The following GCNT1 variants were observed in gnomAD, a reference collection of about 807,000 sequenced individuals.
GCNT1 encodes beta-1,3-galactosyl-O-glycosyl-glycoprotein beta-1,6-N-acetylglucosaminyltransferase.
Under a neutral mutation model 26.2 loss-of-function variants are expected in GCNT1, and 16 were observed. That is an observed-to-expected ratio of 0.61 (90% confidence interval 0.41 to 0.93). GCNT1 has a LOEUF of 0.93. Ranked by LOEUF, GCNT1 falls within the 40% of genes least tolerant of loss-of-function variation. The pLI is 0.00. For missense variants in GCNT1, 477 were observed against 526.7 expected (o/e 0.91, Z 0.92); for synonymous variants, 183 against 190.8 (o/e 0.96, Z 0.34).
the GCNT1 span, among the ~76,000 whole-genome samples, chr9:76,396,727 A>G: frequency 1.3e-5 from 2 of 152,174 alleles, no homozygotes; most frequent in Non-Finnish European, 2.9e-5. Flanking sequence ...CTGTGGTCCT[A>G]GATACCCTGG....
intron 1 of GCNT1, among the ~76,000 whole-genome samples, chr9:76,429,841 A>C (rs1376281988): frequency 1.3e-5 from 2 of 150,908 alleles, no homozygotes; most frequent in Non-Finnish European, 2.9e-5. Flanking sequence ...CAGCCTCCTG[A>C]GTAGCTGGGA....
chr9:76,398,749 G>T, the GCNT1 span: 1 of 1,279,886 alleles, frequency 7.8e-7, no homozygotes, highest in South Asian at 1.2e-5. Flanking sequence ...ATGTCCTTAA[G>T]TTCCTTGCAG....
At chr9:76,466,107 G>T (rs1422065386) in intron 2 of GCNT1, among the ~76,000 whole-genome samples, 2 of 152,092 alleles carry the variant, frequency 1.3e-5, no homozygotes, top group Non-Finnish European at 2.9e-5. Flanking sequence ...ATCCAAAGAG[G>T]GTGTAGAATG....
chr9:76,461,648 G>A (rs1400027876), intron 2 of GCNT1, among the ~76,000 whole-genome samples: 1 of 151,694 alleles, frequency 6.6e-6, no homozygotes, highest in Non-Finnish European at 1.5e-5. Flanking sequence ...AACATTTTGG[G>A]AGGCTGAGGC....
At chr9:76,444,678 T>C (rs985820918) in intron 1 of GCNT1, among the ~76,000 whole-genome samples, 2 of 152,212 alleles carry the variant, frequency 1.3e-5, no homozygotes, top group African/African-American at 2.4e-5. Context: ...AGACACCAGA[T>C]ACAGGCAATT....
intron 2 of GCNT1, among the ~76,000 whole-genome samples, chr9:76,466,040 G>A (rs1185348670): frequency 6.6e-6 from 1 of 152,184 alleles, no homozygotes; most frequent in African/African-American, 2.4e-5. Flanking sequence ...GAGATCTGGG[G>A]TGGAGATACA....
chr9:76,410,413 C>T, the GCNT1 span, among the ~76,000 whole-genome samples: 1 of 151,924 alleles, frequency 6.6e-6, no homozygotes, highest in African/African-American at 2.4e-5. Context: ...GTCTGGGTGA[C>T]AAGAACAAAA....
intron 2 of GCNT1, among the ~76,000 whole-genome samples, chr9:76,480,229 C>A (rs1386580543): frequency 6.6e-6 from 1 of 152,058 alleles, no homozygotes; most frequent in Non-Finnish European, 1.5e-5. Context: ...TGTTTTGGTA[C>A]CAGTACCATG....
In GCNT1 at chr9:76,494,126, G is replaced by A. The variant is rs529472257; in HGVS notation, c.-289-6790G>A. Among the ~76,000 whole-genome samples the A allele has an allele frequency of 3.8e-4, 58 of 151,776 alleles. 1 individual carries two copies. The South Asian group carries it at 0.012, about 32-fold the overall frequency. ...CTGGACCCTGCTGATTGGAATAGTT[G>A]CACTCACCGACACAGCAGCAGAAAC... On this transcript the variant is annotated intron_variant, in intron 2 of 3. Coordinates refer to ENST00000376730, the MANE Select transcript of GCNT1 (RefSeq NM_001490.5).
At chr9:76,489,400 G>A (rs1824667808) in intron 2 of GCNT1, among the ~76,000 whole-genome samples, 1 of 152,204 alleles carries the variant, frequency 6.6e-6, no homozygotes, top group Non-Finnish European at 1.5e-5. Context: ...TGGACCCAAA[G>A]AGTGAGCAGC....
intron 2 of GCNT1, among the ~76,000 whole-genome samples, chr9:76,480,711 T>A (rs557545701): frequency 6.6e-6 from 1 of 152,286 alleles, no homozygotes; most frequent in East Asian, 1.9e-4. Flanking sequence ...GCAAGGGTTA[T>A]TTAAATGACA....
At chr9:76,456,838 G>A (rs958727960), upstream of GCNT1, among the ~76,000 whole-genome samples, 3 of 152,150 alleles carry the variant, frequency 2.0e-5, no homozygotes, top group African/African-American at 2.4e-5. Flanking sequence ...ACCGGGCATG[G>A]TGGCACACAC....
the GCNT1 span, among the ~76,000 whole-genome samples, chr9:76,394,714 G>A: frequency 6.6e-6 from 1 of 152,200 alleles, no homozygotes; most frequent in Non-Finnish European, 1.5e-5. Flanking sequence ...AGCCGCGAAA[G>A]CACAATTCTC....
intron 2 of GCNT1, among the ~76,000 whole-genome samples, chr9:76,499,371 G>A (rs920597324): frequency 5.3e-5 from 8 of 151,938 alleles, no homozygotes; most frequent in African/African-American, 9.7e-5. Context: ...CAAGTGATCC[G>A]CCCACCTCAG....
upstream of GCNT1, among the ~76,000 whole-genome samples, chr9:76,439,013 C>T (rs924263466): frequency 6.6e-5 from 10 of 152,188 alleles, no homozygotes; most frequent in African/African-American, 2.2e-4. Flanking sequence ...TTTCTTTTCT[C>T]GTCAGACTTA....
chr9:76,442,479 G>A (rs1446758811), intron 1 of GCNT1, among the ~76,000 whole-genome samples: 4 of 152,048 alleles, frequency 2.6e-5, no homozygotes, highest in Non-Finnish European at 5.9e-5. Context: ...TCAGGAGTTC[G>A]AGACCAGCCT....
intron 1 of GCNT1, among the ~76,000 whole-genome samples, chr9:76,424,945 C>A (rs1823241143): frequency 6.6e-6 from 1 of 152,006 alleles, no homozygotes; most frequent in Admixed American, 6.6e-5. Context: ...TGAGACCATC[C>A]TGGCTAACAC....
At chr9:76,401,799 G>T in the GCNT1 span, among the ~76,000 whole-genome samples, 1 of 152,174 alleles carries the variant, frequency 6.6e-6, no homozygotes, top group Non-Finnish European at 1.5e-5. Context: ...GGAGGCTGAG[G>T]CCAGAGGATC....
At chr9:76,441,070 AAAAC>A (rs1368652974), upstream of GCNT1, among the ~76,000 whole-genome samples, 4 of 149,660 alleles carry the variant, frequency 2.7e-5, no homozygotes, top group African/African-American at 4.9e-5. Flanking sequence ...ATCTCAAAAA[AAAAC>A]AAAAAAACCT....
Sources: allele counts gnomAD v4.1 joint callset (sites outside exome capture counted in the v4.1 genomes callset), GRCh38; gene constraint gnomAD v4.1.1; transcripts MANE v1.5; gene names NCBI Gene and HGNC (gene_info 2026-07-23, HGNC 2026-07-21).